MAGED1: variants seen among roughly 807,000 people sequenced by gnomAD.
The protein encoded by MAGED1 is MAGE family member D1.
In MAGED1, 3 loss-of-function variants were observed where a neutral mutation model predicts 54.1. The ratio of observed to expected loss-of-function variants is 0.06; its 90% CI spans 0.03 to 0.14. The LOEUF is 0.14. Ranked by LOEUF, MAGED1 falls within the 10% of genes least tolerant of loss-of-function variation. The pLI, the probability that MAGED1 is intolerant of heterozygous loss-of-function variation, is 1.00. For synonymous variants in MAGED1, 217 were observed against 227.3 expected, an observed-to-expected ratio of 0.95 and a Z score of 0.41; for missense variants, 485 against 623.4, an observed-to-expected ratio of 0.78 and a Z score of 2.36.
At chrX:51,842,727 C>T (rs1433320600) in intron 1 of MAGED1, among the ~76,000 whole-genome samples, 2 of 111,256 alleles carry the variant, frequency 1.8e-5, no homozygotes, top group Admixed American at 9.6e-5. Context: ...ACTCTGACAC[C>T]CAGGCTGGGG....
chrX:51,814,098 A>C (rs2146951450), intron 1 of MAGED1, among the ~76,000 whole-genome samples: 1 of 111,402 alleles, frequency 9.0e-6, no homozygotes, highest in Admixed American at 9.5e-5. Flanking sequence ...CTGACAGCTG[A>C]CTGCCCATTG....
chrX:51,823,881 A>G (rs975950947), intron 1 of MAGED1, among the ~76,000 whole-genome samples: 5 of 111,261 alleles, frequency 4.5e-5, no homozygotes, highest in Admixed American at 1.9e-4. Context: ...TTACTGTCCT[A>G]GAATACAAAA....
chrX:51,841,696 C>A (rs1254535224), intron 1 of MAGED1, among the ~76,000 whole-genome samples: 12 of 111,492 alleles, frequency 1.1e-4, no homozygotes, highest in Admixed American at 1.0e-3. Context: ...ATAGGGAATC[C>A]TTTCCCCATT....
chrX:51,874,238 G>T (rs1333725497), intron 1 of MAGED1, among the ~76,000 whole-genome samples: 1 of 111,228 alleles, frequency 9.0e-6, no homozygotes, highest in Non-Finnish European at 1.9e-5. Context: ...GACAGTAATC[G>T]CAGACTCAAA....
chrX:51,841,704 A>C, intron 1 of MAGED1, among the ~76,000 whole-genome samples: 1 of 111,432 alleles, frequency 9.0e-6, no homozygotes. Context: ...TCCTTTCCCC[A>C]TTGCTTGTTT....
At chrX:51,899,826 G>A in intron 10 of MAGED1, 1 of 172,869 alleles carries the variant, frequency 5.8e-6, no homozygotes, top group East Asian at 2.3e-4. Flanking sequence ...ACATTCCCAA[G>A]GCTGGGCCAG....
intron 1 of MAGED1, among the ~76,000 whole-genome samples, chrX:51,812,914 CTTG>C (rs1306385427): frequency 9.4e-6 from 1 of 106,333 alleles, no homozygotes; most frequent in African/African-American, 3.4e-5. Flanking sequence ...CTTGCTAACA[CTTG>C]TTGTTTTCCT....
rs781804243 is a variant in MAGED1 at position 51,897,801 on chromosome X, G to C, written c.1573G>C (p.Gly525Arg). Residue 525 changes from glycine (G) to arginine (R), a missense_variant, in exon 7 of 13, where the codon GGG (glycine) becomes CGG (arginine). By Grantham distance (125) the Gly-to-Arg change is moderately radical. This residue lies in a region of MAGED1 where 186 missense variants were observed against 330.3 expected (regional missense o/e 0.56). Coordinates refer to ENST00000326587, the MANE Select transcript of MAGED1 (RefSeq NM_006986.4). Reference sequence around the variant, plus strand: ...TGTTTTCTTGCCCCTGTAGAAATTTGGGATTCAACTGAAAGAAATTGACAA... The same window carrying C: ...TGTTTTCTTGCCCCTGTAGAAATTTCGGATTCAACTGAAAGAAATTGACAA... ...RACFVLEKKF[G>R]IQLKEIDKEE... 2.5e-6 allele frequency: 3 copies of C among 1,199,461 alleles called. No homozygotes were observed. Among genetic ancestry groups the C allele is most frequent in the East Asian group, 5.9e-5 (2 of 33,718 alleles).
chrX:51,859,601 A>C (rs1557360465), intron 1 of MAGED1, among the ~76,000 whole-genome samples: 1 of 111,762 alleles, frequency 8.9e-6, no homozygotes, highest in Non-Finnish European at 1.9e-5. Context: ...AATCTCTAGA[A>C]CCTGTGAATA....
chrX:51,869,414 T>G (rs1316037125), intron 1 of MAGED1, among the ~76,000 whole-genome samples: 13 of 111,559 alleles, frequency 1.2e-4, no homozygotes, highest in Non-Finnish European at 1.9e-5. Flanking sequence ...AGTGGGCATA[T>G]TAATCCATTT....
chrX:51,851,954 A>G (rs896727655), intron 1 of MAGED1, among the ~76,000 whole-genome samples: 15 of 112,018 alleles, frequency 1.3e-4, no homozygotes, highest in African/African-American at 4.9e-4. Flanking sequence ...TTAGTTTCCT[A>G]TTACTGCTGT....
In MAGED1 at chrX:51,897,282, A is replaced by G. The variant is rs1928800622; in HGVS notation, c.1486+11A>G. 1 of 1,203,811 alleles carries G rather than the reference A, an allele frequency of 8.3e-7. No homozygotes were observed. The highest frequency in any genetic ancestry group is 3.0e-5 in the East Asian group (1 of 33,725). On this transcript the variant is annotated intron_variant, in intron 5 of 12. Coordinates refer to ENST00000326587, the MANE Select transcript of MAGED1 (RefSeq NM_006986.4). ...CCATCAAGCGCTCAGGTATGCATCCAGTGTCCCCTCCCCAAGCTCTGCCCT... is the reference window on the plus strand; with the variant it reads ...CCATCAAGCGCTCAGGTATGCATCCGGTGTCCCCTCCCCAAGCTCTGCCCT...
chrX:51,883,781 AAAAG>A (rs1220179029), intron 1 of MAGED1, among the ~76,000 whole-genome samples: 1 of 112,095 alleles, frequency 8.9e-6, no homozygotes, highest in African/African-American at 3.2e-5. Flanking sequence ...GGAAATCTCT[AAAAG>A]AAATCAGAGA....
intron 1 of MAGED1, among the ~76,000 whole-genome samples, chrX:51,862,610 A>G (rs1463279994): frequency 9.0e-6 from 1 of 111,355 alleles, no homozygotes; most frequent in African/African-American, 3.3e-5. Context: ...GCGAACACAA[A>G]CCTAGTTGTA....
At chrX:51,827,415 G>C (rs1197539727) in intron 1 of MAGED1, among the ~76,000 whole-genome samples, 1 of 112,031 alleles carries the variant, frequency 8.9e-6, no homozygotes, top group Non-Finnish European at 1.9e-5. Flanking sequence ...GGAGCACATG[G>C]GATTTTTAGG....
At chrX:51,897,180 G>A in intron 4 of MAGED1, 28 bp from the exon 5 acceptor site, 12 of 1,206,248 alleles carry the variant, frequency 9.9e-6, no homozygotes, top group Non-Finnish European at 1.3e-5. Context: ...TATTTTATAA[G>A]TTTAATGATT....
At chrX:51,866,099 A>T (rs1927450255) in intron 1 of MAGED1, among the ~76,000 whole-genome samples, 1 of 112,301 alleles carries the variant, frequency 8.9e-6, no homozygotes, top group Non-Finnish European at 1.9e-5. Flanking sequence ...GTGTGAGAAC[A>T]GACTAATATA....
chrX:51,894,624 C>T (rs76568712), intron 2 of MAGED1: 2 of 1,186,978 alleles, frequency 1.7e-6, no homozygotes, highest in Admixed American at 2.4e-5. Flanking sequence ...TTTTTTTTTC[C>T]AGAATCCTGA....
chrX:51,832,102 G>A (rs1180588159), intron 1 of MAGED1, among the ~76,000 whole-genome samples: 3 of 111,075 alleles, frequency 2.7e-5, no homozygotes, highest in Non-Finnish European at 3.8e-5. Flanking sequence ...GTGCGCAGGC[G>A]GTTCACTGCA....
Sources: allele counts gnomAD v4.1 joint callset (sites outside exome capture counted in the v4.1 genomes callset), GRCh38; gene constraint gnomAD v4.1.1; regional missense constraint gnomAD v4.1.1; transcripts MANE v1.5; gene names NCBI Gene and HGNC (gene_info 2026-07-23, HGNC 2026-07-21).